Variants in FYB2 observed in about 807,000 individuals in gnomAD.
FYB2 encodes the protein FYN binding protein 2.
A neutral mutation model predicts 94.1 loss-of-function variants in FYB2; 103 were observed. The observed-to-expected ratio is 1.09, with a 90% CI of 0.93 to 1.29. The LOEUF (loss-of-function observed/expected upper bound fraction) is 1.29. FYB2 is among the 50% of genes most tolerant of loss of function. The probability of loss-of-function intolerance (pLI) is 0.00; values close to 1 mark genes in which losing one functional copy is unlikely to be tolerated. For synonymous variants in FYB2, 293 were observed against 287.9 expected, an observed-to-expected ratio of 1.02 and a Z score of -0.18; for missense variants, 896 against 841.5, an observed-to-expected ratio of 1.06 and a Z score of -0.80.
chr1:56,726,556 C>T lies in FYB2; in HGVS notation c.1821G>A (p.Lys607=). The part of the protein sequence containing the change: ...SKDEDKLKMW[K]PKFLTPKEKK... ...TTTCCTTTGGTGTCAGAAACTTGGG[C>T]TTCCACATTTTCAGTTTATCTTCAT... The change falls in exon 16 of 20, where the codon AAG becomes AAA. Residue 607 remains lysine (K), a synonymous_variant. Coordinates refer to ENST00000343433, the MANE Select transcript of FYB2 (RefSeq NM_001004303.5). The T allele has an allele frequency of 6.2e-7, 1 of 1,611,898 alleles. No homozygotes were observed. Among genetic ancestry groups the T allele is most frequent in the Non-Finnish European group, 8.5e-7 (1 of 1,178,798 alleles).
intron 5 of FYB2, among the ~76,000 whole-genome samples, chr1:56,763,636 CTTTTTCAGCCTTGCTAGAAGTTTATCTAT>C (rs1645552965): frequency 6.6e-6 from 1 of 151,826 alleles, no homozygotes; most frequent in Non-Finnish European, 1.5e-5. Flanking sequence ...TTTTCTGTTT[CTTTTTCAGCCTTGCTAGAAGTTTATCTAT>C]TTTTTCAGCC....
Position 56,796,692 on chromosome 1 carries a change from G to A in FYB2, c.10-3889C>T, listed in dbSNP as rs182012498. ...ATCCCGACCCTCTTAATGCTCCAACGTCACATTGGGCCTCCCCCCAACATG... is the reference window on the plus strand; with the variant it reads ...ATCCCGACCCTCTTAATGCTCCAACATCACATTGGGCCTCCCCCCAACATG... On this transcript the variant is annotated intron_variant, in intron 1 of 19. Coordinates refer to ENST00000343433, the MANE Select transcript of FYB2 (RefSeq NM_001004303.5). 1.3e-4 allele frequency among the ~76,000 whole-genome samples: 20 copies of A among 152,140 alleles called. No homozygotes were observed. The East Asian group carries it at 2.7e-3, about 21-fold the overall frequency.
intron 1 of FYB2, among the ~76,000 whole-genome samples, chr1:56,814,809 G>C (rs1282938502): frequency 6.6e-6 from 1 of 151,704 alleles, no homozygotes. Flanking sequence ...CCTATCTTGT[G>C]ACTTATTCCT....
At chr1:56,782,021 C>G (rs1646020451) in intron 4 of FYB2, among the ~76,000 whole-genome samples, 1 of 152,098 alleles carries the variant, frequency 6.6e-6, no homozygotes, top group Non-Finnish European at 1.5e-5. Context: ...TACATATTTT[C>G]AGGGTAATAT....
At chr1:56,789,245 C>T (rs376415404) in intron 2 of FYB2, 111 bp from the exon 3 acceptor site, 1 of 1,243,696 alleles carries the variant, frequency 8.0e-7, no homozygotes, top group Non-Finnish European at 1.1e-6. Flanking sequence ...TATTCTCCAC[C>T]CAACAGCTAG....
At chr1:56,794,768 C>G (rs1411162144) in intron 1 of FYB2, among the ~76,000 whole-genome samples, 1 of 152,120 alleles carries the variant, frequency 6.6e-6, no homozygotes, top group Non-Finnish European at 1.5e-5. Context: ...GAAGCCAGCA[C>G]TGGGCATGAA....
chr1:56,797,163 G>T (rs893824105), intron 1 of FYB2, among the ~76,000 whole-genome samples: 1 of 152,122 alleles, frequency 6.6e-6, no homozygotes, highest in African/African-American at 2.4e-5. Context: ...CCCAGAGCAT[G>T]AACACAGAAG....
At chr1:56,760,655 C>T (rs1163130942) in intron 5 of FYB2, among the ~76,000 whole-genome samples, 1 of 152,136 alleles carries the variant, frequency 6.6e-6, no homozygotes, top group Non-Finnish European at 1.5e-5. Context: ...AAATCATGAG[C>T]TCATTTGCTT....
chr1:56,815,231 C>T lies in FYB2; in HGVS notation c.9+4051G>A, dbSNP rs116574323. ...CCATGCTCTCCCTTCTGCCTTCTCC[C>T]CCTCCTTCACTCGAGCGTTCCCTGA... is the stretch of plus-strand genomic sequence containing the variant. On this transcript the variant is annotated intron_variant, in intron 1 of 19. Coordinates refer to ENST00000343433, the MANE Select transcript of FYB2 (RefSeq NM_001004303.5). Among the ~76,000 whole-genome samples, 1,299 of 152,166 alleles carry T rather than the reference C, an allele frequency of 8.5e-3. 22 individuals are homozygous for T. The highest frequency in any genetic ancestry group is 0.029 in the African/African-American group (1,220 of 41,518).
intron 5 of FYB2, chr1:56,762,071 T>C (rs190590108): frequency 6.6e-6 from 1 of 152,344 alleles, no homozygotes; most frequent in East Asian, 1.9e-4. Context: ...TTCTGAATTC[T>C]CAATTCTGTT....
intron 15 of FYB2, among the ~76,000 whole-genome samples, chr1:56,735,109 A>T (rs1644802646): frequency 6.6e-6 from 1 of 152,164 alleles, no homozygotes. Flanking sequence ...ATTGCTGGGT[A>T]TTAATCCAAA....
At chr1:56,816,925 C>T (rs1287504961) in intron 1 of FYB2, among the ~76,000 whole-genome samples, 1 of 151,336 alleles carries the variant, frequency 6.6e-6, no homozygotes, top group Non-Finnish European at 1.5e-5. Context: ...AATCTATTTC[C>T]AGCATCTGAC....
At chr1:56,821,559 G>A (rs187264895), upstream of FYB2, among the ~76,000 whole-genome samples, 29 of 152,278 alleles carry the variant, frequency 1.9e-4, no homozygotes, top group African/African-American at 6.0e-4. Flanking sequence ...GTCTGGCAGC[G>A]TTGGCTTAAG....
chr1:56,789,202 G>T lies in FYB2; in HGVS notation c.758-68C>A. 2.7e-6 allele frequency: 4 copies of T among 1,500,046 alleles called. No individual in the cohort carries two copies. The South Asian group carries it at 5.5e-5, about 20-fold the overall frequency. 92.9% of individuals were successfully genotyped at this position (1,500,046 alleles called of 1,614,324 possible). Reference sequence around the variant, plus strand: ...ATTTCATAGCTTGTGGGTAAAACTGGTTTCCTTGCCTCCATCTAAGTCCCG... The same window carrying T: ...ATTTCATAGCTTGTGGGTAAAACTGTTTTCCTTGCCTCCATCTAAGTCCCG... On this transcript the variant is annotated intron_variant, in intron 2 of 19. Coordinates refer to ENST00000343433, the MANE Select transcript of FYB2 (RefSeq NM_001004303.5).
intron 17 of FYB2, among the ~76,000 whole-genome samples, chr1:56,722,553 G>A (rs1479260624): frequency 7.2e-5 from 11 of 151,982 alleles, no homozygotes; most frequent in Admixed American, 4.6e-4. Context: ...ATAAATGAAC[G>A]AGCTAGTCAG....
intron 1 of FYB2, among the ~76,000 whole-genome samples, chr1:56,801,348 A>T (rs1255988519): frequency 1.3e-5 from 2 of 152,176 alleles, no homozygotes; most frequent in East Asian, 3.9e-4. Flanking sequence ...CAAAGGGCAT[A>T]TCAAACTAAA....
At chr1:56,737,244 G>T (rs1644848929) in intron 14 of FYB2, 97 bp from the exon 15 acceptor site, 2 of 841,548 alleles carry the variant, frequency 2.4e-6, no homozygotes, top group African/African-American at 1.8e-5. Context: ...TTATCCAGGT[G>T]CATCTTCAGG....
intron 9 of FYB2, 27 bp downstream of exon 9, chr1:56,751,017 A>G: frequency 6.2e-7 from 1 of 1,601,392 alleles, no homozygotes; most frequent in Non-Finnish European, 8.5e-7. Context: ...GTAATGATGA[A>G]GAAGATCAGA....
At chr1:56,782,182 A>G (rs941615615) in intron 4 of FYB2, among the ~76,000 whole-genome samples, 1 of 152,108 alleles carries the variant, frequency 6.6e-6, no homozygotes, top group African/African-American at 2.4e-5. Context: ...TTGTCACTCT[A>G]CTGATCTATC....
Sources: gnomAD v4.1 joint callset for allele counts (sites outside exome capture counted in the v4.1 genomes callset) on GRCh38, gnomAD v4.1.1 for gene constraint, MANE v1.5 for transcripts, NCBI Gene and HGNC (gene_info 2026-07-23, HGNC 2026-07-21) for gene names.